Variants in CNIH3 observed in about 807,000 individuals in gnomAD.
The protein encoded by CNIH3 is protein cornichon homolog 3.
CNIH3 carries 14 observed loss-of-function variants against 24.1 expected under a neutral mutation model. That is an observed-to-expected ratio of 0.58 (90% confidence interval 0.38 to 0.91). The LOEUF (loss-of-function observed/expected upper bound fraction) is 0.91. Ranked by LOEUF, CNIH3 falls within the 40% of genes least tolerant of loss-of-function variation. The pLI, the probability that CNIH3 is intolerant of heterozygous loss-of-function variation, is 0.00. For missense variants in CNIH3, 178 were observed against 196.8 expected (o/e 0.90, Z 0.57); for synonymous variants, 68 against 73.8 (o/e 0.92, Z 0.40).
intron 3 of CNIH3, among the ~76,000 whole-genome samples, chr1:224,687,040 A>G (rs755000862): frequency 1.3e-5 from 2 of 152,116 alleles, no homozygotes; most frequent in African/African-American, 4.8e-5. Context: ...GTTGCTACTC[A>G]TCGTCGTGGA....
In CNIH3 at chr1:224,460,925, G is replaced by A. The variant is rs12727444; in HGVS notation, n.203+26063G>A. Among the ~76,000 whole-genome samples the A allele has an allele frequency of 3.5e-3, 536 of 151,770 alleles. 3 individuals carry two copies. Among genetic ancestry groups the A allele is most frequent in the Middle Eastern group, 6.8e-3 (2 of 292 alleles). The stretch of plus-strand genomic sequence containing the variant: ...GCTGTGAGTAGCCGGGATTATAGGC[G>A]AGAGCCACTGCATCCAGCCAGTTGT... On this transcript the variant is annotated intron_variant and non_coding_transcript_variant, in intron 1 of 5. Coordinates refer to the CNIH3 transcript ENST00000471578.
chr1:224,590,644 A>T (rs1237588099), downstream of CNIH3, among the ~76,000 whole-genome samples: 1 of 152,124 alleles, frequency 6.6e-6, no homozygotes, highest in Non-Finnish European at 1.5e-5. Context: ...AATTGGCATT[A>T]ATCTATTCAT....
intron 3 of CNIH3, among the ~76,000 whole-genome samples, chr1:224,701,324 C>G (rs1258102745): frequency 6.6e-6 from 1 of 152,042 alleles, no homozygotes; most frequent in Non-Finnish European, 1.5e-5. Context: ...AAATGTATCT[C>G]TCACAGCTCT....
In CNIH3 at chr1:224,503,551, G is replaced by A. The variant is rs1043583905; in HGVS notation, n.204-12190G>A. Among the ~76,000 whole-genome samples the A allele has an allele frequency of 1.1e-4, 16 of 152,204 alleles. 1 individual carries two copies. Among genetic ancestry groups the A allele is most frequent in the African/African-American group, 4.8e-5 (2 of 41,442 alleles). ...GAGCCGAGGTGACAGCCTGGGCCTC[G>A]GGGAAGCCCGTGTCTCATGGGCGGT... On this transcript the variant is annotated intron_variant and non_coding_transcript_variant, in intron 1 of 5. Coordinates refer to the CNIH3 transcript ENST00000471578.
rs1464369118 is a variant in CNIH3 at position 224,452,648 on chromosome 1, GAT to G, written n.203+17787_203+17788del. On this transcript the variant is annotated intron_variant and non_coding_transcript_variant, in intron 1 of 5. Transcript: ENST00000471578. ...TACAAAAACATTAGCCAGGTGTGGT[GAT>G]GGGCACCTGTAGTCCCAGCTACTCG... Among the ~76,000 whole-genome samples the G allele has an allele frequency of 8.6e-5, 13 of 151,658 alleles. No homozygotes were observed. The South Asian group carries it at 1.9e-3, about 22-fold the overall frequency.
chr1:224,727,457 A>AAGAG (rs1689092463), intron 3 of CNIH3, among the ~76,000 whole-genome samples: 1 of 152,166 alleles, frequency 6.6e-6, no homozygotes. Context: ...GGAAAAGGAA[A>AAGAG]AGAGACTCTG....
At chr1:224,686,897 A>C (rs1381230919) in intron 3 of CNIH3, among the ~76,000 whole-genome samples, 1 of 152,178 alleles carries the variant, frequency 6.6e-6, no homozygotes, top group Admixed American at 6.5e-5. Flanking sequence ...AGTTCCTATA[A>C]ACAATAAACT....
intron 1 of CNIH3, among the ~76,000 whole-genome samples, chr1:224,643,446 C>T (rs1232417750): frequency 6.6e-6 from 1 of 152,156 alleles, no homozygotes; most frequent in Non-Finnish European, 1.5e-5. Flanking sequence ...CTGCTTTGGC[C>T]CCGCAGCCCA....
intron 1 of CNIH3, among the ~76,000 whole-genome samples, chr1:224,501,780 T>C (rs1257654118): frequency 6.6e-6 from 1 of 152,072 alleles, no homozygotes; most frequent in Non-Finnish European, 1.5e-5. Flanking sequence ...GGGGTTTTAC[T>C]GTGTTGCCCA....
At chr1:224,619,840 A>G (rs1457842191) in intron 1 of CNIH3, among the ~76,000 whole-genome samples, 1 of 152,262 alleles carries the variant, frequency 6.6e-6, no homozygotes, top group East Asian at 1.9e-4. Context: ...CCATGCTGCC[A>G]TGCCTAGGCT....
intron 1 of CNIH3, among the ~76,000 whole-genome samples, chr1:224,664,189 G>T (rs957756529): frequency 6.6e-6 from 1 of 152,190 alleles, no homozygotes; most frequent in South Asian, 2.1e-4. Flanking sequence ...CAATCATGAT[G>T]GATGAGGGAT....
chr1:224,651,643 G>T (rs555108408), intron 1 of CNIH3, among the ~76,000 whole-genome samples: 75 of 152,282 alleles, frequency 4.9e-4, no homozygotes, highest in Non-Finnish European at 9.7e-4. Flanking sequence ...CTGAATAATG[G>T]CTCATGGAGT....
chr1:224,541,923 C>T (rs78861389), downstream of CNIH3, among the ~76,000 whole-genome samples: 173 of 152,306 alleles, frequency 1.1e-3, 2 homozygotes, highest in East Asian at 0.028. Flanking sequence ...ACTCATGGCC[C>T]CTCCAATTCA....
rs1675767244 is a variant in CNIH3 at position 224,458,405 on chromosome 1, G to A, written n.203+23543G>A. Among the ~76,000 whole-genome samples the A allele has an allele frequency of 6.6e-6, 1 of 152,232 alleles. No homozygotes were observed. Among genetic ancestry groups the A allele is most frequent in the African/African-American group, 2.4e-5 (1 of 41,454 alleles). On this transcript the variant is annotated intron_variant and non_coding_transcript_variant, in intron 1 of 5. Coordinates refer to the CNIH3 transcript ENST00000471578. This position sits in a 1 kb window ranked among gnomAD's most constrained non-coding sequence, Gnocchi z 4.3. ...CTCCCCGTCCCTCATCCTACCAGGT[G>A]TGAGGCTGCCAGGAGCCGATCGCAC... is the stretch of plus-strand genomic sequence containing the variant.
chr1:224,444,906 G>A (rs1675086211), intron 1 of CNIH3, among the ~76,000 whole-genome samples: 1 of 148,276 alleles, frequency 6.7e-6, no homozygotes, highest in African/African-American at 2.5e-5. Flanking sequence ...GCCTCCCAAA[G>A]TGCTGGGATT....
At chr1:224,737,462 T>A (rs920363788) in intron 5 of CNIH3, among the ~76,000 whole-genome samples, 7 of 152,204 alleles carry the variant, frequency 4.6e-5, no homozygotes, top group African/African-American at 1.7e-4. Flanking sequence ...ACATTCTTTG[T>A]TGAATCTGGC....
intron 1 of CNIH3, among the ~76,000 whole-genome samples, chr1:224,518,883 A>G (rs1333781828): frequency 2.6e-5 from 4 of 152,152 alleles, no homozygotes; most frequent in Non-Finnish European, 4.4e-5. Context: ...GTGGTTACAA[A>G]CAGGTTTTCT....
chr1:224,580,497 A>G (rs1046501397), intron 4 of CNIH3, among the ~76,000 whole-genome samples: 2 of 152,324 alleles, frequency 1.3e-5, no homozygotes, highest in East Asian at 3.9e-4. Flanking sequence ...CAAAAGGGGA[A>G]AGGGCAAAGC....
chr1:224,657,572 T>G lies in CNIH3; in HGVS notation c.82-23386T>G, dbSNP rs564786416. Reference sequence around the variant, plus strand: ...GCAATATTTCAAATAAAAGACATAATAAAAAATTATTTCAGTCCTCTACTA... The same window carrying G: ...GCAATATTTCAAATAAAAGACATAAGAAAAAATTATTTCAGTCCTCTACTA... On this transcript the variant is annotated intron_variant, in intron 1 of 5. Coordinates refer to ENST00000272133, the MANE Select transcript of CNIH3 (RefSeq NM_152495.2). Among the ~76,000 whole-genome samples the G allele has an allele frequency of 2.4e-4, 36 of 152,252 alleles. No individual in the cohort carries two copies. In the South Asian group the frequency reaches 7.5e-3, roughly 32 times the overall value.
Sources: gnomAD v4.1 joint callset for allele counts (sites outside exome capture counted in the v4.1 genomes callset) on GRCh38, gnomAD v4.1.1 for gene constraint, Gnocchi (gnomAD v3.1) non-coding constraint, MANE v1.5 for transcripts, NCBI Gene and HGNC (gene_info 2026-07-23, HGNC 2026-07-21) for gene names.